Variants in LYRM4 observed in about 807,000 individuals in gnomAD.
LYRM4 encodes LYR motif containing 4.
A neutral mutation model predicts 11.7 loss-of-function variants in LYRM4; 9 were observed. The ratio of observed to expected loss-of-function variants is 0.77; its 90% CI spans 0.46 to 1.34. The LOEUF (loss-of-function observed/expected upper bound fraction) is 1.34. Ranked by LOEUF, LYRM4 falls within the 40% of genes most tolerant of loss-of-function variation. The pLI, the probability that LYRM4 is intolerant of heterozygous loss-of-function variation, is 0.00. For synonymous variants in LYRM4, 42 were observed against 40.4 expected (o/e 1.04, Z -0.15); for missense variants, 133 against 112.5 (o/e 1.18, Z -0.82).
downstream of LYRM4, chr6:5,106,319 G>A (rs2773326): frequency 0.029 from 4,435 of 152,352 alleles, 69 homozygotes; most frequent in Middle Eastern, 0.075. Context: ...GGGTTTAGGG[G>A]AAAGGCCCTG....
At chr6:5,050,953 T>A in the LYRM4 span, among the ~76,000 whole-genome samples, 10 of 151,942 alleles carry the variant, frequency 6.6e-5, no homozygotes, top group Admixed American at 3.3e-4. Context: ...AGAAAACGTA[T>A]GAACAAAATG....
intron 1 of LYRM4, among the ~76,000 whole-genome samples, chr6:5,230,460 T>C (rs1763171875): frequency 6.6e-6 from 1 of 152,214 alleles, no homozygotes; most frequent in East Asian, 1.9e-4. Flanking sequence ...CTTGATCTCA[T>C]ACCAGAAAAG....
chr6:5,257,779 C>T (rs1764750187), intron 1 of LYRM4, among the ~76,000 whole-genome samples: 1 of 152,126 alleles, frequency 6.6e-6, no homozygotes, highest in Admixed American at 6.5e-5. Context: ...CTCCCTTGAC[C>T]CGGTCCATGG....
the LYRM4 span, among the ~76,000 whole-genome samples, chr6:5,083,808 C>T: frequency 6.6e-6 from 1 of 152,300 alleles, no homozygotes; most frequent in South Asian, 2.1e-4. Context: ...TTATGAAGCC[C>T]CAATTAATTA....
At chr6:5,077,441 G>C in the LYRM4 span, among the ~76,000 whole-genome samples, 27 of 152,222 alleles carry the variant, frequency 1.8e-4, no homozygotes. Context: ...TGATGATGTG[G>C]AAGTGGGAGG....
At chr6:5,154,471 A>G (rs986656622) in intron 2 of LYRM4, among the ~76,000 whole-genome samples, 2 of 152,192 alleles carry the variant, frequency 1.3e-5, no homozygotes, top group African/African-American at 2.4e-5. Context: ...ATCACACAGG[A>G]CACAGATGGA....
the LYRM4 span, among the ~76,000 whole-genome samples, chr6:5,048,549 CTCTTGAACTACGTTGCCCAGGCTGG>C: frequency 6.6e-6 from 1 of 151,994 alleles, no homozygotes; most frequent in East Asian, 1.9e-4. Flanking sequence ...GCTCAGGCTG[CTCTTGAACTACGTTGCCCAGGCTGG>C]TCTTGAACTC....
chr6:5,236,242 A>G (rs111497937), intron 1 of LYRM4: 1 of 152,336 alleles, frequency 6.6e-6, no homozygotes, highest in African/African-American at 2.4e-5. Flanking sequence ...AGGCGGGTGG[A>G]TTACCTGAGA....
the LYRM4 span, among the ~76,000 whole-genome samples, chr6:5,064,121 T>A: frequency 6.6e-6 from 1 of 152,080 alleles, no homozygotes; most frequent in East Asian, 1.9e-4. Flanking sequence ...CAATACACGC[T>A]TGAAAGGGAC....
At chr6:5,244,208 T>C (rs906864342) in intron 1 of LYRM4, among the ~76,000 whole-genome samples, 1 of 152,234 alleles carries the variant, frequency 6.6e-6, no homozygotes, top group Admixed American at 6.5e-5. Flanking sequence ...AATACTTTAT[T>C]ATAAAATAGG....
At chr6:5,164,916 CGA>C (rs1456052021) in intron 2 of LYRM4, among the ~76,000 whole-genome samples, 1 of 137,632 alleles carries the variant, frequency 7.3e-6, no homozygotes, top group Admixed American at 8.2e-5. Flanking sequence ...TGCAGTGAGC[CGA>C]GATTGTGCCA....
At chr6:5,032,650 G>A in the LYRM4 span, 1 of 152,210 alleles carries the variant, frequency 6.6e-6, no homozygotes, top group Non-Finnish European at 1.5e-5. Context: ...AATTGAGAAT[G>A]TCTGTAGTTT....
intron 2 of LYRM4, among the ~76,000 whole-genome samples, chr6:5,206,845 C>A (rs898584595): frequency 1.3e-5 from 2 of 151,822 alleles, no homozygotes; most frequent in Non-Finnish European, 2.9e-5. Flanking sequence ...GAATTCTTAG[C>A]GCCTTTTCAG....
the LYRM4 span, among the ~76,000 whole-genome samples, chr6:5,072,436 CCCA>C: frequency 6.6e-6 from 1 of 152,188 alleles, no homozygotes; most frequent in African/African-American, 2.4e-5. Flanking sequence ...AATTTACACT[CCCA>C]CCAACAGTGT....
intron 1 of LYRM4, among the ~76,000 whole-genome samples, chr6:5,217,962 C>A (rs1407545742): frequency 6.6e-6 from 1 of 152,066 alleles, no homozygotes. Context: ...GTTGCCCAGG[C>A]AGTGTCATGA....
At position 5,157,606 on chromosome 6, in the gene LYRM4, A is replaced by G. The variant is rs184590274; in HGVS notation, c.208-48115T>C. On this transcript the variant is annotated intron_variant, in intron 2 of 2. Coordinates refer to ENST00000330636, the MANE Select transcript of LYRM4 (RefSeq NM_020408.6). Reference sequence around the variant, plus strand: ...TAGGTTACTTTAAAACAGAAACAACAGAGAATTCCCAGAGGTGGCATTTGG... The same window carrying G: ...TAGGTTACTTTAAAACAGAAACAACGGAGAATTCCCAGAGGTGGCATTTGG... 2.2e-3 allele frequency among the ~76,000 whole-genome samples: 335 copies of G among 152,262 alleles called. 1 individual carries two copies. Among genetic ancestry groups the G allele is most frequent in the African/African-American group, 7.7e-3 (322 of 41,568 alleles).
chr6:5,190,764 G>T (rs1464199549), intron 2 of LYRM4, among the ~76,000 whole-genome samples: 2 of 152,170 alleles, frequency 1.3e-5, no homozygotes, highest in East Asian at 3.9e-4. Flanking sequence ...TGGAATGCTG[G>T]GGTCAGAGAA....
At chr6:5,218,958 T>C (rs904431420) in intron 1 of LYRM4, among the ~76,000 whole-genome samples, 2 of 152,244 alleles carry the variant, frequency 1.3e-5, no homozygotes, top group East Asian at 3.8e-4. Flanking sequence ...TTGGCAATGA[T>C]GGCAGCAAAG....
At chr6:5,222,840 C>T (rs200132137) in intron 1 of LYRM4, among the ~76,000 whole-genome samples, 1 of 110,670 alleles carries the variant, frequency 9.0e-6, no homozygotes, top group African/African-American at 2.9e-5. Flanking sequence ...TGAATTAAAA[C>T]AAGACAAACT....
Sources: allele counts gnomAD v4.1 joint callset (sites outside exome capture counted in the v4.1 genomes callset), GRCh38; gene constraint gnomAD v4.1.1; transcripts MANE v1.5; gene names NCBI Gene and HGNC (gene_info 2026-07-23, HGNC 2026-07-21).